Variants in CEP70 observed in about 807,000 individuals in gnomAD.
The protein encoded by CEP70 is centrosomal protein 70.
A neutral mutation model predicts 90.9 loss-of-function variants in CEP70; 70 were observed. That is an observed-to-expected ratio of 0.77 (90% confidence interval 0.64 to 0.94). CEP70 has a LOEUF of 0.94. Among genes scored for constraint, CEP70 ranks in the 40% least tolerant of loss-of-function variants. The pLI is 0.00. For synonymous variants in CEP70, 220 were observed against 228.3 expected, an observed-to-expected ratio of 0.96 and a Z score of 0.33; for missense variants, 648 against 669.0, an observed-to-expected ratio of 0.97 and a Z score of 0.35.
At chr3:138,507,673 C>T (rs1024694311) in intron 12 of CEP70, among the ~76,000 whole-genome samples, 17 of 151,964 alleles carry the variant, frequency 1.1e-4, no homozygotes, top group Non-Finnish European at 2.5e-4. Context: ...CACAAATGCC[C>T]AGAGAATTCA....
chr3:138,527,611 C>G (rs539528837), intron 10 of CEP70, among the ~76,000 whole-genome samples: 7 of 150,616 alleles, frequency 4.6e-5, no homozygotes, highest in Admixed American at 4.0e-4. Context: ...GAAGAAATCA[C>G]TTGAGCCCGG....
chr3:138,513,870 C>T (rs1166739528), intron 11 of CEP70, among the ~76,000 whole-genome samples: 1 of 151,902 alleles, frequency 6.6e-6, no homozygotes, highest in African/African-American at 2.4e-5. Context: ...GTTTGTAATA[C>T]TAACTCAAGA....
chr3:138,584,675 A>C (rs764093240), intron 2 of CEP70, among the ~76,000 whole-genome samples: 6 of 152,118 alleles, frequency 3.9e-5, no homozygotes, highest in Admixed American at 6.5e-5. Flanking sequence ...CATTATCAAC[A>C]GACTGAAAGA....
intron 11 of CEP70, among the ~76,000 whole-genome samples, chr3:138,522,468 G>A (rs1160170825): frequency 6.6e-6 from 1 of 151,994 alleles, no homozygotes; most frequent in African/African-American, 2.4e-5. Context: ...AAAATTGATA[G>A]ACCACTAGCA....
At chr3:138,561,829 C>T (rs1419329724) in intron 6 of CEP70, among the ~76,000 whole-genome samples, 1 of 151,768 alleles carries the variant, frequency 6.6e-6, no homozygotes, top group Non-Finnish European at 1.5e-5. Context: ...ATCAAGAAAT[C>T]CTGGCTAACA....
intron 13 of CEP70, among the ~76,000 whole-genome samples, 189 bp downstream of exon 13, chr3:138,505,106 C>G (rs1384772735): frequency 2.6e-5 from 4 of 152,140 alleles, no homozygotes; most frequent in African/African-American, 9.7e-5. Context: ...ATCAAATAGA[C>G]AGTACCTAAA....
At chr3:138,531,318 C>T (rs746930217) in intron 8 of CEP70, among the ~76,000 whole-genome samples, 1 of 152,106 alleles carries the variant, frequency 6.6e-6, no homozygotes, top group African/African-American at 2.4e-5. Context: ...CAAAAGATTT[C>T]CTGATGGATA....
chr3:138,538,344 T>C (rs2038465616), intron 6 of CEP70, among the ~76,000 whole-genome samples: 2 of 152,140 alleles, frequency 1.3e-5, no homozygotes, highest in Admixed American at 6.5e-5. Flanking sequence ...TATGAAACCC[T>C]AGCCAGCTTT....
chr3:138,503,383 A>G (rs1311778436), intron 13 of CEP70, among the ~76,000 whole-genome samples: 1 of 152,174 alleles, frequency 6.6e-6, no homozygotes, highest in African/African-American at 2.4e-5. Flanking sequence ...ATATTGCAAT[A>G]TATGTATATA....
chr3:138,552,143 G>A (rs1170746805), intron 6 of CEP70, among the ~76,000 whole-genome samples: 1 of 152,118 alleles, frequency 6.6e-6, no homozygotes, highest in East Asian at 1.9e-4. Flanking sequence ...AAATATATAT[G>A]TACCTAACCC....
rs375535371 is a variant in CEP70, at chr3:138,515,769, G to A, written c.945-7225C>T. 3.4e-4 allele frequency among the ~76,000 whole-genome samples: 52 copies of A among 152,280 alleles called. No individual in the cohort carries two copies. The South Asian group carries it at 1.0e-2, about 29-fold the overall frequency. ...AGTGCATACACATGTGTACGTGTGTGTGTGCATGTTATACACTTGCTTTAG... is the reference window on the plus strand; with the variant it reads ...AGTGCATACACATGTGTACGTGTGTATGTGCATGTTATACACTTGCTTTAG... On this transcript the variant is annotated intron_variant, in intron 11 of 17. Transcript: ENST00000264982.
chr3:138,537,005 A>AG, intron 7 of CEP70, 173 bp downstream of exon 7: 1 of 330,456 alleles, frequency 3.0e-6, no homozygotes, highest in East Asian at 4.8e-5. Flanking sequence ...CTAGAACAAA[A>AG]AAAAAAAAAA....
At chr3:138,580,065 C>T (rs1051536473) in intron 2 of CEP70, among the ~76,000 whole-genome samples, 13 of 152,014 alleles carry the variant, frequency 8.6e-5, no homozygotes, top group South Asian at 2.1e-4. Context: ...CTAGGCGGTA[C>T]CCTGGCAGTA....
chr3:138,514,877 T>C (rs1033616855), intron 11 of CEP70, among the ~76,000 whole-genome samples: 6 of 152,156 alleles, frequency 3.9e-5, no homozygotes, highest in African/African-American at 1.4e-4. Flanking sequence ...GCAAGTTATA[T>C]AACACTCCCA....
At chr3:138,575,409 T>G (rs2041443865) in intron 2 of CEP70, among the ~76,000 whole-genome samples, 1 of 151,362 alleles carries the variant, frequency 6.6e-6, no homozygotes, top group Admixed American at 6.6e-5. Flanking sequence ...GAGAAAAAAG[T>G]AAAAAGGAAT....
intron 6 of CEP70, among the ~76,000 whole-genome samples, chr3:138,542,165 CAG>C (rs2038822230): frequency 6.6e-6 from 1 of 152,192 alleles, no homozygotes; most frequent in African/African-American, 2.4e-5. Flanking sequence ...TGTGCACAGC[CAG>C]GCACACTGGC....
intron 6 of CEP70, among the ~76,000 whole-genome samples, chr3:138,543,795 C>A (rs371944645): frequency 6.6e-6 from 1 of 152,068 alleles, no homozygotes; most frequent in Non-Finnish European, 1.5e-5. Context: ...CAGAGTGAGA[C>A]CCTATCTCAA....
intron 6 of CEP70, among the ~76,000 whole-genome samples, chr3:138,560,544 G>C (rs1312206334): frequency 1.3e-5 from 2 of 151,940 alleles, no homozygotes; most frequent in Admixed American, 6.6e-5. Context: ...CCCTGGAAAG[G>C]GGACTGAAGC....
intron 12 of CEP70, among the ~76,000 whole-genome samples, chr3:138,505,994 CA>C (rs1319421418): frequency 1.3e-5 from 2 of 152,164 alleles, no homozygotes; most frequent in Non-Finnish European, 2.9e-5. Flanking sequence ...AAAGTTGAAA[CA>C]AAATTAACTA....
Sources: gnomAD v4.1 joint callset for allele counts (sites outside exome capture counted in the v4.1 genomes callset) on GRCh38, gnomAD v4.1.1 for gene constraint, MANE v1.5 for transcripts, NCBI Gene and HGNC (gene_info 2026-07-23, HGNC 2026-07-21) for gene names.